Variants in THSD7A observed in about 807,000 individuals in gnomAD.
THSD7A encodes thrombospondin type 1 domain containing 7A, also known as thrombospondin type-1 domain-containing protein 7A.
Under a neutral mutation model 231.3 loss-of-function variants are expected in THSD7A, and 96 were observed. That is an observed-to-expected ratio of 0.41 (90% confidence interval 0.35 to 0.49). The LOEUF (loss-of-function observed/expected upper bound fraction) is 0.49. Ranked by LOEUF, THSD7A falls within the 20% of genes least tolerant of loss-of-function variation. THSD7A has a pLI of 0.05. For synonymous variants in THSD7A, 940 were observed against 743.3 expected, an observed-to-expected ratio of 1.26 and a Z score of -4.30; for missense variants, 2,290 against 2,070.2, an observed-to-expected ratio of 1.11 and a Z score of -2.06.
At chr7:11,643,771 C>CTGAT (rs1354582899) in intron 1 of THSD7A, among the ~76,000 whole-genome samples, 1 of 151,866 alleles carries the variant, frequency 6.6e-6, no homozygotes, top group Non-Finnish European at 1.5e-5. Flanking sequence ...TAGGTCTTTC[C>CTGAT]TGATTATTTC....
At chr7:11,763,267 CCTT>C (rs1211675946) in intron 1 of THSD7A, among the ~76,000 whole-genome samples, 1 of 152,168 alleles carries the variant, frequency 6.6e-6, no homozygotes, top group Admixed American at 6.5e-5. Context: ...ACCTGGGATG[CCTT>C]CTGTCATCTC....
chr7:11,551,374 C>T (rs1672265444), intron 4 of THSD7A, among the ~76,000 whole-genome samples: 1 of 152,014 alleles, frequency 6.6e-6, no homozygotes, highest in Non-Finnish European at 1.5e-5. Context: ...GCTACTTCTG[C>T]ACAGCAAAAG....
At chr7:11,755,664 C>G (rs1261091118) in intron 1 of THSD7A, among the ~76,000 whole-genome samples, 1 of 152,068 alleles carries the variant, frequency 6.6e-6, no homozygotes, top group East Asian at 1.9e-4. Flanking sequence ...GGAAGTACCT[C>G]ATGTTGAGCA....
intron 2 of THSD7A, among the ~76,000 whole-genome samples, chr7:11,631,280 A>C (rs1413053295): frequency 6.6e-6 from 1 of 151,718 alleles, no homozygotes; most frequent in Non-Finnish European, 1.5e-5. Context: ...TCAGTTTTCC[A>C]TTTTCCTTTT....
At chr7:11,396,795 C>T (rs1448552499) in intron 23 of THSD7A, among the ~76,000 whole-genome samples, 1 of 152,162 alleles carries the variant, frequency 6.6e-6, no homozygotes, top group African/African-American at 2.4e-5. Context: ...CCACCATCAT[C>T]CCGATACCAA....
intron 1 of THSD7A, among the ~76,000 whole-genome samples, chr7:11,682,448 A>G (rs968562632): frequency 1.3e-5 from 2 of 152,114 alleles, no homozygotes; most frequent in African/African-American, 4.8e-5. Flanking sequence ...AGCAGAGGTC[A>G]CTATTCCTGT....
chr7:11,713,022 C>A (rs1483803573), intron 1 of THSD7A, among the ~76,000 whole-genome samples: 1 of 151,110 alleles, frequency 6.6e-6, no homozygotes, highest in Admixed American at 6.6e-5. Flanking sequence ...ATGAATTTTG[C>A]ATCTTCATGT....
intron 1 of THSD7A, among the ~76,000 whole-genome samples, chr7:11,675,429 T>C (rs1783598351): frequency 6.6e-6 from 1 of 152,046 alleles, no homozygotes; most frequent in Non-Finnish European, 1.5e-5. Context: ...TTCACTCCCC[T>C]GGAAAGAGGG....
chr7:11,550,156 A>C (rs1789567959), intron 4 of THSD7A, among the ~76,000 whole-genome samples: 1 of 152,132 alleles, frequency 6.6e-6, no homozygotes, highest in Non-Finnish European at 1.5e-5. Context: ...ATACAAAATC[A>C]ATGTATGAAA....
At chr7:11,686,710 C>A (rs1179618342) in intron 1 of THSD7A, among the ~76,000 whole-genome samples, 2 of 151,830 alleles carry the variant, frequency 1.3e-5, no homozygotes, top group African/African-American at 4.8e-5. Context: ...AGGCCATAAT[C>A]CTAAGCAAAT....
chr7:11,526,193 C>T (rs561931817), intron 6 of THSD7A, among the ~76,000 whole-genome samples: 2 of 152,176 alleles, frequency 1.3e-5, no homozygotes, highest in South Asian at 2.1e-4. Context: ...GATTCATCTC[C>T]TCCAGCTTTT....
At chr7:11,747,138 A>T (rs1009906324) in intron 1 of THSD7A, among the ~76,000 whole-genome samples, 3 of 151,960 alleles carry the variant, frequency 2.0e-5, no homozygotes, top group Admixed American at 2.0e-4. Context: ...TGCACTTAAA[A>T]GTGAGAATTT....
intron 2 of THSD7A, among the ~76,000 whole-genome samples, chr7:11,606,772 A>C (rs918912914): frequency 6.6e-6 from 1 of 152,104 alleles, no homozygotes; most frequent in African/African-American, 2.4e-5. Context: ...TAAAATATTC[A>C]TTTTGTGTAA....
chr7:11,498,646 A>G (rs1294422389), intron 6 of THSD7A, among the ~76,000 whole-genome samples: 2 of 152,104 alleles, frequency 1.3e-5, no homozygotes, highest in African/African-American at 4.8e-5. Flanking sequence ...TGCTTTTTAA[A>G]GCAGGTCCTC....
At chr7:11,691,647 T>C (rs1780234148) in intron 1 of THSD7A, among the ~76,000 whole-genome samples, 1 of 151,424 alleles carries the variant, frequency 6.6e-6, no homozygotes, top group Non-Finnish European at 1.5e-5. Context: ...AATGTTATGA[T>C]TTTCTATCTA....
intron 11 of THSD7A, among the ~76,000 whole-genome samples, chr7:11,450,472 T>C (rs1785109115): frequency 6.6e-6 from 1 of 152,036 alleles, no homozygotes; most frequent in Non-Finnish European, 1.5e-5. Context: ...TACAATATAC[T>C]GAAAATTTAT....
chr7:11,660,821 C>G (rs1028172148), intron 1 of THSD7A, among the ~76,000 whole-genome samples: 2 of 151,484 alleles, frequency 1.3e-5, no homozygotes, highest in African/African-American at 4.8e-5. Context: ...CTGTGGCATA[C>G]TAGCTTGTAT....
chr7:11,513,974 T>C (rs1583884014), intron 6 of THSD7A, among the ~76,000 whole-genome samples: 1 of 151,764 alleles, frequency 6.6e-6, no homozygotes, highest in African/African-American at 2.4e-5. Flanking sequence ...CATACCCTCT[T>C]GGCCCCAGAC....
Position 11,474,305 on chromosome 7 carries a change from ATT to A in THSD7A, c.2252+27_2252+28del. 1 of 1,578,022 alleles carries A rather than the reference ATT, an allele frequency of 6.3e-7. No individual in the cohort carries two copies. Among genetic ancestry groups the A allele is most frequent in the Non-Finnish European group, 8.6e-7 (1 of 1,157,200 alleles). The stretch of plus-strand genomic sequence containing the variant: ...AATCCTCTGCACAGGTGGCTACACG[ATT>A]TACTGTTGTCATTCTAAAGCTCTTA... On this transcript the variant is annotated intron_variant, in intron 8 of 27. Transcript: ENST00000423059. The surrounding 1 kb of genome is among the most constrained non-coding windows in gnomAD (Gnocchi z 4.1).
Sources: gnomAD v4.1 joint callset for allele counts (sites outside exome capture counted in the v4.1 genomes callset) on GRCh38, gnomAD v4.1.1 for gene constraint, Gnocchi (gnomAD v3.1) non-coding constraint, MANE v1.5 for transcripts, NCBI Gene and HGNC (gene_info 2026-07-23, HGNC 2026-07-21) for gene names.